The following MAP3K13 variants were observed in gnomAD, a reference collection of about 807,000 sequenced individuals.
MAP3K13 encodes mitogen-activated protein kinase kinase kinase 13, also known as leucine zipper-bearing kinase.
A neutral mutation model predicts 104.0 loss-of-function variants in MAP3K13; 52 were observed. The ratio of observed to expected loss-of-function variants is 0.50; its 90% CI spans 0.40 to 0.63. The LOEUF is 0.63. Ranked by LOEUF, MAP3K13 falls within the 20% of genes least tolerant of loss-of-function variation. The probability of loss-of-function intolerance (pLI) is 0.00; values close to 1 mark genes in which losing one functional copy is unlikely to be tolerated. For synonymous variants in MAP3K13, 394 were observed against 442.2 expected, an observed-to-expected ratio of 0.89 and a Z score of 1.37; for missense variants, 914 against 1,218.5, an observed-to-expected ratio of 0.75 and a Z score of 3.72.
intron 1 of MAP3K13, among the ~76,000 whole-genome samples, chr3:185,393,462 C>CT (rs147162736): frequency 0.74 from 108,029 of 145,122 alleles, 40,489 homozygotes; most frequent in East Asian, 0.86. Context: ...TTGTAAGTAT[C>CT]TTTTTTTTTT....
chr3:185,364,740 G>A (rs1723791414), intron 1 of MAP3K13, among the ~76,000 whole-genome samples: 1 of 152,144 alleles, frequency 6.6e-6, no homozygotes, highest in African/African-American at 2.4e-5. Context: ...TGGAGTAATA[G>A]AGGGAAAACC....
intron 1 of MAP3K13, among the ~76,000 whole-genome samples, chr3:185,382,848 AT>A (rs897481018): frequency 1.3e-5 from 2 of 152,056 alleles, no homozygotes; most frequent in Admixed American, 1.3e-4. Flanking sequence ...TACTAAAAAT[AT>A]TTTTTAATTA....
At chr3:185,376,261 A>C (rs892508133) in intron 1 of MAP3K13, among the ~76,000 whole-genome samples, 13 of 152,312 alleles carry the variant, frequency 8.5e-5, no homozygotes, top group African/African-American at 3.1e-4. Context: ...GAGTGAGTAC[A>C]GCTGAAGAAG....
chr3:185,483,504 C>T lies in MAP3K13; in HGVS notation c.*1048C>T, dbSNP rs1485849568. 1 of 228,098 alleles carries T rather than the reference C, an allele frequency of 4.4e-6. No individual in the cohort carries two copies. The highest frequency in any genetic ancestry group is 8.7e-6 in the Non-Finnish European group (1 of 114,898). The allele number at this position is 228,098 out of a possible 1,614,324, so 14.1% of individuals were successfully genotyped here. ...GAAAACGAACGTGGAATTTATAAAA[C>T]TCCATTCTCAGGATCACTCAGTTCA... On this transcript the variant is annotated 3_prime_UTR_variant, in exon 14 of 14. Coordinates refer to ENST00000265026, the MANE Select transcript of MAP3K13 (RefSeq NM_004721.5).
chr3:185,456,453 C>T lies in MAP3K13; in HGVS notation c.1278+5058C>T, dbSNP rs563751695. 2.8e-3 allele frequency among the ~76,000 whole-genome samples: 423 copies of T among 152,154 alleles called. 2 individuals carry two copies. The highest frequency in any genetic ancestry group is 9.9e-3 in the African/African-American group (412 of 41,512). On this transcript the variant is annotated intron_variant, in intron 7 of 13. Coordinates refer to ENST00000265026, the MANE Select transcript of MAP3K13 (RefSeq NM_004721.5). ...CATCTGTTCAGATACATGTAGGTAT[C>T]GGGGCACTGGATGAGAAATCTTTAT...
At chr3:185,474,291 A>G (rs917975168) in intron 11 of MAP3K13, among the ~76,000 whole-genome samples, 1 of 152,166 alleles carries the variant, frequency 6.6e-6, no homozygotes. Context: ...ACACCACTGC[A>G]CTCCAGCCTG....
At position 185,338,425 on chromosome 3, in the gene MAP3K13, A is replaced by G. The variant is rs1722594305; in HGVS notation, c.-86+52782A>G. Among the ~76,000 whole-genome samples, 8 of 152,024 alleles carry G rather than the reference A, an allele frequency of 5.3e-5. No individual in the cohort carries two copies. In the South Asian group the frequency reaches 1.4e-3, roughly 28 times the overall value. On this transcript the variant is annotated intron_variant, in intron 2 of 14. Transcript: ENST00000424227. ...AAATAATTTTGCTAGAACTTTTCCCAGTCAAAAGGCTCAAGAATCAAGTGT... is the reference window on the plus strand; with the variant it reads ...AAATAATTTTGCTAGAACTTTTCCCGGTCAAAAGGCTCAAGAATCAAGTGT...
intron 1 of MAP3K13, among the ~76,000 whole-genome samples, chr3:185,421,164 CTTTTT>C (rs563297690): frequency 6.6e-6 from 1 of 151,634 alleles, no homozygotes; most frequent in African/African-American, 2.4e-5. Flanking sequence ...CTTTTCTTTT[CTTTTT>C]TTGTTTTGTT....
chr3:185,437,895 T>C (rs1715129808), intron 3 of MAP3K13, among the ~76,000 whole-genome samples: 1 of 151,972 alleles, frequency 6.6e-6, no homozygotes, highest in African/African-American at 2.4e-5. Flanking sequence ...GAAGGGAAAA[T>C]GTGGGTTCCT....
intron 1 of MAP3K13, among the ~76,000 whole-genome samples, chr3:185,370,006 TC>T (rs1391914495): frequency 6.6e-6 from 1 of 152,194 alleles, no homozygotes; most frequent in African/African-American, 2.4e-5. Context: ...TTAAAAATTT[TC>T]CTAAGCTTTG....
rs533577750 is a variant in MAP3K13 at position 185,287,806 on chromosome 3, C to T, written c.-86+2163C>T. Among the ~76,000 whole-genome samples, 4 of 152,200 alleles carry T rather than the reference C, an allele frequency of 2.6e-5. No individual in the cohort carries two copies. The South Asian group carries it at 6.2e-4, about 24-fold the overall frequency. On this transcript the variant is annotated intron_variant, in intron 2 of 14. Coordinates refer to the MAP3K13 transcript ENST00000424227. ...ATCCTAGCACTTTGGGAGGCCGAGG[C>T]AGGCAAATCACCTGAGGTCGGGAGT...
intron 3 of MAP3K13, among the ~76,000 whole-genome samples, chr3:185,441,670 A>G (rs914717051): frequency 2.0e-5 from 3 of 152,220 alleles, no homozygotes; most frequent in African/African-American, 7.2e-5. Flanking sequence ...TGGGAGGCCA[A>G]GACGGGTGGA....
At chr3:185,477,801 G>A (rs1718215574) in intron 12 of MAP3K13, among the ~76,000 whole-genome samples, 1 of 152,160 alleles carries the variant, frequency 6.6e-6, no homozygotes, top group African/African-American at 2.4e-5. Context: ...CAATTCTGGA[G>A]CTGGGGAAGT....
At chr3:185,448,130 G>A (rs1342861423) in intron 5 of MAP3K13, 183 bp downstream of exon 5, 3 of 777,074 alleles carry the variant, frequency 3.9e-6, no homozygotes, top group Non-Finnish European at 6.9e-6. Flanking sequence ...AGAAGGATTA[G>A]GGGGAATTAG....
At chr3:185,310,589 A>G (rs1721464270) in intron 2 of MAP3K13, among the ~76,000 whole-genome samples, 1 of 152,210 alleles carries the variant, frequency 6.6e-6, no homozygotes, top group Admixed American at 6.5e-5. Context: ...ATAAAAAAAC[A>G]TGATATCTGG....
At position 185,384,659 on chromosome 3, in the gene MAP3K13, C is replaced by T. The variant is rs116697598; in HGVS notation, c.-86+21291C>T. ...TTTTTGATAATAGCCATTCTAACTG[C>T]GATATATCTCACTGTGGTTTGATTT... On this transcript the variant is annotated intron_variant, in intron 1 of 13. Coordinates refer to ENST00000265026, the MANE Select transcript of MAP3K13 (RefSeq NM_004721.5). Among the ~76,000 whole-genome samples, 570 of 152,106 alleles carry T rather than the reference C, an allele frequency of 3.7e-3. 5 individuals carry two copies. The highest frequency in any genetic ancestry group is 0.013 in the African/African-American group (539 of 41,520).
At chr3:185,430,712 C>T (rs1714694070) in intron 2 of MAP3K13, among the ~76,000 whole-genome samples, 1 of 152,030 alleles carries the variant, frequency 6.6e-6, no homozygotes, top group Non-Finnish European at 1.5e-5. Context: ...TTGGAAAATA[C>T]AGGTAAGCTC....
intron 1 of MAP3K13, among the ~76,000 whole-genome samples, chr3:185,383,356 A>G (rs528534669): frequency 1.3e-5 from 2 of 152,210 alleles, no homozygotes; most frequent in Non-Finnish European, 2.9e-5. Context: ...AGCATGATTT[A>G]TAGTCCTTTG....
rs374986411 is a variant in MAP3K13 at position 185,447,994 on chromosome 3, T to C, written c.1010+47T>C. On this transcript the variant is annotated intron_variant, in intron 5 of 13. Coordinates refer to ENST00000265026, the MANE Select transcript of MAP3K13 (RefSeq NM_004721.5). The stretch of plus-strand genomic sequence containing the variant: ...GCCAACTAAAAAGCCTTTTCCCACT[T>C]TCGCCCTATTAGCACTGTCTTCCTT... 3 of 1,566,360 alleles carry C rather than the reference T, an allele frequency of 1.9e-6. No individual in the cohort carries two copies. In the African/African-American group the frequency reaches 4.1e-5, roughly 21 times the overall value.
Sources: allele counts gnomAD v4.1 joint callset (sites outside exome capture counted in the v4.1 genomes callset), GRCh38; gene constraint gnomAD v4.1.1; transcripts MANE v1.5; gene names NCBI Gene and HGNC (gene_info 2026-07-23, HGNC 2026-07-21).